Variants in ARFGEF1 observed in about 807,000 individuals in gnomAD.
ARFGEF1 encodes the protein ARF guanine nucleotide exchange factor 1.
ARFGEF1 carries 42 observed loss-of-function variants against 231.0 expected under a neutral mutation model. The observed-to-expected ratio is 0.18, with a 90% CI of 0.14 to 0.24. The LOEUF is 0.24. ARFGEF1 is among the 10% of genes least tolerant of loss of function. ARFGEF1 has a pLI of 1.00. For missense variants in ARFGEF1, 1,345 were observed against 2,192.0 expected, an observed-to-expected ratio of 0.61 and a Z score of 7.72; for synonymous variants, 710 against 732.3, an observed-to-expected ratio of 0.97 and a Z score of 0.49.
rs147059467 is a variant in ARFGEF1 at position 67,217,925 on chromosome 8, G to T, written c.4475-5C>A. ...ATCGCGCTAACTGCTCATTGTCTAG[G>T]AAAGAAAAGAGCAATTCATTTATAT... On this transcript the variant is annotated splice_region_variant and splice_polypyrimidine_tract_variant and intron_variant, in intron 31 of 38. Coordinates refer to ENST00000262215, the MANE Select transcript of ARFGEF1 (RefSeq NM_006421.5). The T allele has an allele frequency of 6.2e-7, 1 of 1,613,384 alleles. No homozygotes were observed. Among genetic ancestry groups the T allele is most frequent in the Admixed American group, 1.7e-5 (1 of 59,952 alleles).
intron 19 of ARFGEF1, among the ~76,000 whole-genome samples, chr8:67,246,887 A>G (rs556223937): frequency 2.7e-5 from 4 of 150,524 alleles, no homozygotes; most frequent in African/African-American, 9.9e-5. Flanking sequence ...ACACAAATAA[A>G]TAAAATTAGA....
At chr8:67,200,922 G>A (rs2129577201) in intron 37 of ARFGEF1, among the ~76,000 whole-genome samples, 1 of 152,232 alleles carries the variant, frequency 6.6e-6, no homozygotes, top group African/African-American at 2.4e-5. Context: ...CAATCAAATG[G>A]GATAACAGAG....
At chr8:67,204,897 T>A (rs769475423) in intron 34 of ARFGEF1, 78 bp from the exon 35 acceptor site, 1 of 1,538,778 alleles carries the variant, frequency 6.5e-7, no homozygotes, top group Admixed American at 1.7e-5. Flanking sequence ...GATATTACAA[T>A]GCTAAGGAAA....
chr8:67,236,359 AAAAAAAATATATATATATAT>A (rs1388407683), intron 22 of ARFGEF1, among the ~76,000 whole-genome samples: 14 of 43,752 alleles, frequency 3.2e-4, no homozygotes, highest in African/African-American at 1.4e-3. Flanking sequence ...TAAAAAAAAA[AAAAAAAATATATATATATAT>A]ATATATATAT....
intron 7 of ARFGEF1, among the ~76,000 whole-genome samples, chr8:67,282,674 C>G (rs928217415): frequency 2.0e-5 from 3 of 151,622 alleles, no homozygotes; most frequent in East Asian, 3.9e-4. Flanking sequence ...GGTAAAACCC[C>G]GTCTCTACCA....
chr8:67,184,278 C>G (rs1386161186), intron 5 of ARFGEF1, among the ~76,000 whole-genome samples: 1 of 151,922 alleles, frequency 6.6e-6, no homozygotes, highest in East Asian at 1.9e-4. Flanking sequence ...TAATTAAATC[C>G]AAAGTAAGCA....
intron 5 of ARFGEF1, among the ~76,000 whole-genome samples, chr8:67,294,617 A>G (rs1050334299): frequency 1.3e-5 from 2 of 152,192 alleles, no homozygotes; most frequent in African/African-American, 4.8e-5. Context: ...GTTTAGAGAA[A>G]GAAGTTTACA....
At chr8:67,195,589 G>T (rs762818148), downstream of ARFGEF1, 2 of 1,613,490 alleles carry the variant, frequency 1.2e-6, no homozygotes, top group Non-Finnish European at 1.7e-6. Context: ...ACTGCACATG[G>T]TTAAAATAAA....
chr8:67,222,446 A>G (rs1273156544), intron 29 of ARFGEF1, among the ~76,000 whole-genome samples: 7 of 150,908 alleles, frequency 4.6e-5, no homozygotes, highest in South Asian at 2.1e-4. Flanking sequence ...TTGTATTTGT[A>G]TTTTTTAATT....
rs142039911 is a variant in ARFGEF1 at position 67,176,110 on chromosome 8, A to G, written c.561-538T>C. 1.8e-3 allele frequency among the ~76,000 whole-genome samples: 275 copies of G among 152,130 alleles called. 4 individuals are homozygous for G. The highest frequency in any genetic ancestry group is 6.4e-3 in the African/African-American group (266 of 41,494). On this transcript the variant is annotated intron_variant, in intron 5 of 5. Transcript: ENST00000518789. ...TTGGGGTGGGTGGGCACCTAGAAGC[A>G]GAGTGGGGCTAGTTGTCTCAGAGAG...
At chr8:67,335,796 GAGTGCAGTAGCACA>G (rs1808320032) in intron 1 of ARFGEF1, among the ~76,000 whole-genome samples, 1 of 151,752 alleles carries the variant, frequency 6.6e-6, no homozygotes, top group South Asian at 2.1e-4. Flanking sequence ...TCTCGGGCTG[GAGTGCAGTAGCACA>G]ATCTTGGCTC....
chr8:67,327,481 G>C (rs993278822), intron 1 of ARFGEF1, among the ~76,000 whole-genome samples: 3 of 151,884 alleles, frequency 2.0e-5, no homozygotes, highest in African/African-American at 7.3e-5. Flanking sequence ...CCACAGCTTG[G>C]CTAATTTTTT....
chr8:67,234,091 G>C (rs899382454), intron 22 of ARFGEF1, among the ~76,000 whole-genome samples: 2 of 152,138 alleles, frequency 1.3e-5, no homozygotes, highest in South Asian at 4.1e-4. Flanking sequence ...TCCAAAGCAG[G>C]TGCTCTACAA....
intron 23 of ARFGEF1, among the ~76,000 whole-genome samples, chr8:67,232,608 T>C (rs575910867): frequency 6.6e-6 from 1 of 152,150 alleles, no homozygotes; most frequent in East Asian, 1.9e-4. Flanking sequence ...AGGTTACCAT[T>C]TCCTTAATGC....
intron 1 of ARFGEF1, among the ~76,000 whole-genome samples, chr8:67,336,506 T>A (rs903368715): frequency 1.8e-4 from 27 of 152,322 alleles, no homozygotes; most frequent in Non-Finnish European, 3.2e-4. Context: ...AAAATCAAGG[T>A]CACAGCAGAG....
chr8:67,321,982 T>C (rs899229076), intron 1 of ARFGEF1, among the ~76,000 whole-genome samples: 2 of 152,194 alleles, frequency 1.3e-5, no homozygotes, highest in African/African-American at 4.8e-5. Context: ...CTGCATGCCC[T>C]TCCTTGCATT....
chr8:67,184,568 TATAAAG>T (rs1833904484), intron 5 of ARFGEF1, among the ~76,000 whole-genome samples: 1 of 150,706 alleles, frequency 6.6e-6, no homozygotes, highest in South Asian at 2.1e-4. Context: ...CTACTAAAAA[TATAAAG>T]ATTAGCTGGG....
At chr8:67,239,013 T>C in intron 20 of ARFGEF1, 120 bp from the exon 21 acceptor site, 10 of 821,014 alleles carry the variant, frequency 1.2e-5, no homozygotes, top group Non-Finnish European at 1.5e-5. Flanking sequence ...TTTAATTTAT[T>C]TATTAATTTT....
At chr8:67,203,886 CCT>C (rs1022374518) in intron 35 of ARFGEF1, among the ~76,000 whole-genome samples, 1 of 152,318 alleles carries the variant, frequency 6.6e-6, no homozygotes, top group African/African-American at 2.4e-5. Context: ...CAGCCCTCCC[CCT>C]GCCGCCACAT....
Sources: gnomAD v4.1 joint callset for allele counts (sites outside exome capture counted in the v4.1 genomes callset) on GRCh38, gnomAD v4.1.1 for gene constraint, MANE v1.5 for transcripts, NCBI Gene and HGNC (gene_info 2026-07-23, HGNC 2026-07-21) for gene names.